The following LMO7 variants were observed in gnomAD, a reference collection of about 807,000 sequenced individuals.
The protein encoded by LMO7 is LIM domain only protein 7.
Under a neutral mutation model 206.5 loss-of-function variants are expected in LMO7, and 120 were observed. The observed-to-expected ratio is 0.58, with a 90% CI of 0.50 to 0.68. The LOEUF (loss-of-function observed/expected upper bound fraction) is 0.68. Among genes scored for constraint, LMO7 ranks in the 30% least tolerant of loss-of-function variants. The pLI is 0.00. For missense variants in LMO7, 1,959 were observed against 1,957.9 expected (o/e 1.00, Z -0.01); for synonymous variants, 706 against 681.5 (o/e 1.04, Z -0.56).
At chr13:75,854,255 A>C (rs1169009267) in intron 28 of LMO7, among the ~76,000 whole-genome samples, 2 of 152,186 alleles carry the variant, frequency 1.3e-5, no homozygotes, top group African/African-American at 4.8e-5. Flanking sequence ...AGACTTTTTA[A>C]AGCCATCAGA....
intron 6 of LMO7, among the ~76,000 whole-genome samples, chr13:75,800,207 A>G (rs1247863033): frequency 1.3e-5 from 2 of 152,214 alleles, no homozygotes; most frequent in African/African-American, 4.8e-5. Flanking sequence ...TTTATGTTAT[A>G]TAAGCCATCA....
intron 8 of LMO7, 68 bp downstream of exon 8, chr13:75,804,609 A>G: frequency 1.3e-6 from 2 of 1,505,712 alleles, no homozygotes; most frequent in Non-Finnish European, 1.8e-6. Flanking sequence ...TAAATGTGGT[A>G]AAAAGAATGG....
intron 1 of LMO7, among the ~76,000 whole-genome samples, chr13:75,665,954 C>T (rs1037925278): frequency 1.3e-5 from 2 of 152,116 alleles, no homozygotes; most frequent in East Asian, 3.8e-4. Flanking sequence ...ATCCTATTTT[C>T]TAGGTTATGA....
chr13:75,742,634 A>G (rs1368444393), intron 3 of LMO7, among the ~76,000 whole-genome samples: 3 of 152,224 alleles, frequency 2.0e-5, no homozygotes, highest in African/African-American at 4.8e-5. Context: ...AGGACTCCCT[A>G]TTCAATAAAT....
chr13:75,821,380 G>A lies in LMO7; in HGVS notation c.2411G>A (p.Arg804His), dbSNP rs760259550. ...DSTTFAKREDRVTTEIQLPSQ... is the reference protein window; with the variant it reads ...DSTTFAKREDHVTTEIQLPSQ... ...ACCACTTTTGCAAAAAGAGAGGACCGTGTAACAACTGAAATTCAGCTTCCT... is the reference window on the plus strand; with the variant it reads ...ACCACTTTTGCAAAAAGAGAGGACCATGTAACAACTGAAATTCAGCTTCCT... Residue 804 changes from arginine to histidine, a missense_variant, in exon 14 of 31, where the codon CGT (arginine) becomes CAT (histidine). By Grantham distance (29) the Arg-to-His change is conservative. Transcript: ENST00000377534. The A allele has an allele frequency of 1.2e-5, 19 of 1,613,966 alleles. No individual in the cohort carries two copies. The highest frequency in any genetic ancestry group is 5.3e-5 in the African/African-American group (4 of 74,910).
At chr13:75,764,583 G>A (rs1483973610) in intron 4 of LMO7, among the ~76,000 whole-genome samples, 3 of 152,158 alleles carry the variant, frequency 2.0e-5, no homozygotes, top group Non-Finnish European at 4.4e-5. Flanking sequence ...AGAACTTGAA[G>A]TTGGCAGAAA....
At position 75,672,944 on chromosome 13, in the gene LMO7, T is replaced by C. The variant is rs935822355; in HGVS notation, c.69+36218T>C. Among the ~76,000 whole-genome samples, 2 of 152,236 alleles carry C rather than the reference T, an allele frequency of 1.3e-5. 1 individual carries two copies. Among genetic ancestry groups the C allele is most frequent in the Non-Finnish European group, 2.9e-5 (2 of 68,040 alleles). ...ATGTGTGTGTGTGTCAGTTTGTGTT[T>C]TGTTTTCTATGAAAAACTTAAAAAC... On this transcript the variant is annotated intron_variant, in intron 1 of 30. Transcript: ENST00000377534.
rs574631586 is a variant in LMO7 at position 75,813,347 on chromosome 13, C to T, written c.1947-3814C>T. On this transcript the variant is annotated intron_variant, in intron 11 of 30. Coordinates refer to ENST00000377534, the MANE Select transcript of LMO7 (RefSeq NM_001306080.2). Reference sequence around the variant, plus strand: ...AATGAGAATTAGTATATGGCCCAGACGGTTTTAAAAATGCTACCCACACAG... The same window carrying T: ...AATGAGAATTAGTATATGGCCCAGATGGTTTTAAAAATGCTACCCACACAG... Among the ~76,000 whole-genome samples the T allele has an allele frequency of 5.9e-5, 9 of 152,286 alleles. 1 individual carries two copies. Among genetic ancestry groups the T allele is most frequent in the African/African-American group, 1.7e-4 (7 of 41,546 alleles).
At chr13:75,730,528 T>C (rs990057727) in intron 3 of LMO7, among the ~76,000 whole-genome samples, 1 of 152,002 alleles carries the variant, frequency 6.6e-6, no homozygotes, top group Non-Finnish European at 1.5e-5. Flanking sequence ...TTTTTTCCTT[T>C]ATTAGTCTTG....
exon 1 of LMO7, chr13:75,620,801 G>C (rs545521629): frequency 6.6e-6 from 1 of 152,076 alleles, no homozygotes; most frequent in South Asian, 2.1e-4. Flanking sequence ...AAGTGGCTGC[G>C]TTATGAAAAT....
intron 3 of LMO7, among the ~76,000 whole-genome samples, chr13:75,735,657 G>A (rs1316612823): frequency 6.8e-6 from 1 of 146,862 alleles, no homozygotes; most frequent in African/African-American, 2.5e-5. Flanking sequence ...TTTTTTTTTA[G>A]TAGAGACAGG....
chr13:75,801,217 G>C (rs2054681940), intron 7 of LMO7, among the ~76,000 whole-genome samples: 1 of 138,460 alleles, frequency 7.2e-6, no homozygotes, highest in Admixed American at 7.7e-5. Flanking sequence ...TCTAAACATA[G>C]AAAGGAATAT....
At chr13:75,698,857 G>A (rs1317506416) in intron 1 of LMO7, among the ~76,000 whole-genome samples, 1 of 151,924 alleles carries the variant, frequency 6.6e-6, no homozygotes, top group Non-Finnish European at 1.5e-5. Flanking sequence ...CTCTTTTAAA[G>A]TATATAATTC....
At position 75,819,476 on chromosome 13, in the gene LMO7, G is replaced by A. The variant is rs2057367190; in HGVS notation, c.2148G>A (p.Lys716=). The A allele has an allele frequency of 6.2e-7, 1 of 1,613,330 alleles. No individual in the cohort carries two copies. The highest frequency in any genetic ancestry group is 8.5e-7 in the Non-Finnish European group (1 of 1,179,824). The change falls in exon 13 of 31, where the codon AAG becomes AAA. Residue 716 remains lysine (K), a synonymous_variant. Transcript: ENST00000377534. ...KKKEEREEIE[K]QALEKSKRSS... ...AAGAAGAGAGAGAAGAAATTGAAAA[G>A]CAGGCACTTGAGAAGTCTAAGAGAA...
chr13:75,703,990 G>A (rs891772549), intron 1 of LMO7, among the ~76,000 whole-genome samples: 1 of 152,234 alleles, frequency 6.6e-6, no homozygotes, highest in East Asian at 1.9e-4. Context: ...AAATAATGAT[G>A]TGGACATCTT....
intron 3 of LMO7, among the ~76,000 whole-genome samples, chr13:75,735,364 T>TACACAC (rs139581801): frequency 6.7e-6 from 1 of 150,172 alleles, no homozygotes; most frequent in African/African-American, 2.4e-5. Flanking sequence ...TGTATTTGTA[T>TACACAC]ACACACACAC....
intron 3 of LMO7, among the ~76,000 whole-genome samples, chr13:75,752,193 G>A (rs1005257680): frequency 8.6e-5 from 13 of 151,976 alleles, no homozygotes; most frequent in African/African-American, 2.9e-4. Flanking sequence ...GTGCAATGGC[G>A]TGATCTTGGC....
At chr13:75,662,669 G>A (rs1341381701) in intron 1 of LMO7, among the ~76,000 whole-genome samples, 1 of 147,518 alleles carries the variant, frequency 6.8e-6, no homozygotes, top group Non-Finnish European at 1.5e-5. Flanking sequence ...TCCAACTTAT[G>A]GAATTTTTAG....
intron 1 of LMO7, among the ~76,000 whole-genome samples, chr13:75,681,222 A>G (rs1350607833): frequency 6.6e-6 from 1 of 152,174 alleles, no homozygotes; most frequent in African/African-American, 2.4e-5. Context: ...TGTTTTTGCC[A>G]TGAAATCTTT....
Sources: gnomAD v4.1 joint callset for allele counts (sites outside exome capture counted in the v4.1 genomes callset) on GRCh38, gnomAD v4.1.1 for gene constraint, MANE v1.5 for transcripts, NCBI Gene and HGNC (gene_info 2026-07-23, HGNC 2026-07-21) for gene names.